Variants in NRG1 observed in about 807,000 individuals in gnomAD.
The protein encoded by NRG1 is pro-neuregulin-1, membrane-bound isoform.
In NRG1, 18 loss-of-function variants were observed where a neutral mutation model predicts 63.8. That is an observed-to-expected ratio of 0.28 (90% confidence interval 0.19 to 0.42). The LOEUF (loss-of-function observed/expected upper bound fraction) is 0.42, where lower values mean the gene tolerates loss of function less well. Among genes scored for constraint, NRG1 ranks in the 10% least tolerant of loss-of-function variants. NRG1 has a pLI of 1.00. For missense variants in NRG1, 762 were observed against 814.7 expected (o/e 0.94, Z 0.79); for synonymous variants, 302 against 301.3 (o/e 1.00, Z -0.02).
chr8:32,548,849 G>A lies in NRG1; in HGVS notation c.100+23G>A, dbSNP rs949737229. 1.9e-6 allele frequency: 3 copies of A among 1,541,894 alleles called. No individual in the cohort carries two copies. The Admixed American group carries it at 6.1e-5, about 31-fold the overall frequency. ...CAGGTGGGTGCGCAGCGCGGCCCGG[G>A]CCCCACGATCCTCCTCCTGCTCCTC... On this transcript the variant is annotated intron_variant, in intron 1 of 11. Coordinates refer to ENST00000356819, the Ensembl canonical transcript of NRG1.
At chr8:31,736,864 C>T (rs971007608) in intron 1 of NRG1, among the ~76,000 whole-genome samples, 1 of 152,124 alleles carries the variant, frequency 6.6e-6, no homozygotes, top group African/African-American at 2.4e-5. Context: ...CACACATGCA[C>T]ACACAATTCA....
intron 1 of NRG1, among the ~76,000 whole-genome samples, chr8:32,245,780 A>G (rs1347178258): frequency 6.6e-6 from 1 of 152,158 alleles, no homozygotes; most frequent in Non-Finnish European, 1.5e-5. Context: ...TGCTTTGCTG[A>G]AAGTTTTCAT....
At chr8:32,227,006 G>A (rs576156436) in intron 1 of NRG1, among the ~76,000 whole-genome samples, 2 of 152,144 alleles carry the variant, frequency 1.3e-5, no homozygotes, top group Non-Finnish European at 2.9e-5. Context: ...TGAGAAAGTA[G>A]TATTTTGGGT....
At chr8:31,736,824 T>A (rs1426192883) in intron 1 of NRG1, among the ~76,000 whole-genome samples, 1 of 152,194 alleles carries the variant, frequency 6.6e-6, no homozygotes, top group African/African-American at 2.4e-5. Flanking sequence ...GTAGCAGTTG[T>A]TATTTGTCAT....
At chr8:32,069,621 A>T (rs572974797) in intron 1 of NRG1, among the ~76,000 whole-genome samples, 3 of 152,188 alleles carry the variant, frequency 2.0e-5, no homozygotes, top group Non-Finnish European at 2.9e-5. Context: ...AAGCCCTGAC[A>T]GTGGAATGGG....
chr8:32,725,392 A>G (rs1821837002), intron 5 of NRG1, among the ~76,000 whole-genome samples: 1 of 150,686 alleles, frequency 6.6e-6, no homozygotes, highest in Admixed American at 6.7e-5. Context: ...TCCATTTGTC[A>G]TCCTATGGAA....
At chr8:32,722,815 A>G (rs1330363405) in intron 5 of NRG1, among the ~76,000 whole-genome samples, 5 of 152,154 alleles carry the variant, frequency 3.3e-5, no homozygotes, top group African/African-American at 1.2e-4. Flanking sequence ...AAATTGTTCA[A>G]TTTTATTTTA....
At chr8:31,961,813 C>T (rs1159179455) in intron 1 of NRG1, among the ~76,000 whole-genome samples, 1 of 152,084 alleles carries the variant, frequency 6.6e-6, no homozygotes, top group Non-Finnish European at 1.5e-5. Context: ...GTGCAAATGA[C>T]TAAATCTTTT....
chr8:32,759,974 T>G (rs949041092), intron 10 of NRG1, among the ~76,000 whole-genome samples: 3 of 152,070 alleles, frequency 2.0e-5, no homozygotes, highest in African/African-American at 7.2e-5. Context: ...ATTGAATGAG[T>G]GGACAAGTGA....
At chr8:32,755,731 T>A (rs934403333) in intron 8 of NRG1, among the ~76,000 whole-genome samples, 1 of 151,156 alleles carries the variant, frequency 6.6e-6, no homozygotes, top group African/African-American at 2.5e-5. Context: ...GAAATCACTC[T>A]TATAAATTCT....
chr8:32,112,883 A>C (rs1259673857), intron 1 of NRG1, among the ~76,000 whole-genome samples: 1 of 152,208 alleles, frequency 6.6e-6, no homozygotes, highest in Non-Finnish European at 1.5e-5. Flanking sequence ...ACAGTAAGCC[A>C]CTTAAACTCT....
chr8:31,695,053 G>A (rs1209234588), intron 1 of NRG1, among the ~76,000 whole-genome samples: 1 of 152,184 alleles, frequency 6.6e-6, no homozygotes, highest in Admixed American at 6.5e-5. Flanking sequence ...CAGGAAGCAT[G>A]GTTGGGGAGC....
intron 1 of NRG1, among the ~76,000 whole-genome samples, chr8:32,269,405 A>G (rs1203655964): frequency 6.6e-6 from 1 of 152,172 alleles, no homozygotes; most frequent in Admixed American, 6.5e-5. Context: ...GGAATTGTGA[A>G]TGTTTCCCAT....
intron 1 of NRG1, among the ~76,000 whole-genome samples, chr8:31,971,885 G>A (rs1293479930): frequency 6.6e-6 from 1 of 151,944 alleles, no homozygotes; most frequent in Non-Finnish European, 1.5e-5. Flanking sequence ...CCCCACTCTC[G>A]TCATCTTCTG....
At position 32,206,303 on chromosome 8, in the gene NRG1, T is replaced by C. The variant is rs1340248516; in HGVS notation, c.38-389525T>C. Among the ~76,000 whole-genome samples, 7 of 152,200 alleles carry C rather than the reference T, an allele frequency of 4.6e-5. No individual in the cohort carries two copies. The East Asian group carries it at 1.4e-3, about 29-fold the overall frequency. ...CTGCTGAAGATCCTTCAGTACCTAA[T>C]GGCTCTCGTGAAGCATTCCAAAGTG... On this transcript the variant is annotated intron_variant, in intron 1 of 10. Coordinates refer to the NRG1 transcript ENST00000519301.
At chr8:32,669,699 A>T (rs1805122180) in intron 5 of NRG1, among the ~76,000 whole-genome samples, 1 of 152,192 alleles carries the variant, frequency 6.6e-6, no homozygotes, top group Non-Finnish European at 1.5e-5. Flanking sequence ...CATTACTTTG[A>T]GGAAGTGATT....
At chr8:31,723,348 T>C (rs1813109839) in intron 1 of NRG1, among the ~76,000 whole-genome samples, 1 of 152,140 alleles carries the variant, frequency 6.6e-6, no homozygotes, top group South Asian at 2.1e-4. Context: ...AGAAAATCCT[T>C]GTGTACCAAG....
chr8:32,209,947 G>C (rs1330508897), intron 1 of NRG1, among the ~76,000 whole-genome samples: 1 of 152,060 alleles, frequency 6.6e-6, no homozygotes, highest in African/African-American at 2.4e-5. Context: ...AAACCTGTTT[G>C]GAAAGGATTG....
rs192111533 is a variant in NRG1 at position 32,425,707 on chromosome 8, A to G, written c.38-170121A>G. 1.6e-4 allele frequency among the ~76,000 whole-genome samples: 25 copies of G among 152,294 alleles called. 1 individual carries two copies. Among genetic ancestry groups the G allele is most frequent in the African/African-American group, 5.8e-4 (24 of 41,572 alleles). On this transcript the variant is annotated intron_variant, in intron 1 of 10. Coordinates refer to the NRG1 transcript ENST00000519301. ...AAAAACTTGTTAAATCATGATTGAG[A>G]TTATAGTAGTATTATTTCTGATTGA...
Sources: gnomAD v4.1 joint callset for allele counts (sites outside exome capture counted in the v4.1 genomes callset) on GRCh38, gnomAD v4.1.1 for gene constraint, MANE v1.5 for transcripts, NCBI Gene and HGNC (gene_info 2026-07-23, HGNC 2026-07-21) for gene names.